SPATA31F1: variants seen among roughly 807,000 people sequenced by gnomAD.
SPATA31F1 encodes SPATA31 subfamily F member 1, also known as protein SPATA31F1.
the SPATA31F1 span, chr9:34,727,064 ACTCTCCTTTCC>A: frequency 1.3e-6 from 2 of 1,487,700 alleles, no homozygotes; most frequent in South Asian, 2.7e-5. Flanking sequence ...TGGAGTGGGC[ACTCTCCTTTCC>A]CAGTCCTGAA....
chr9:34,726,055 C>T, the SPATA31F1 span: 1 of 1,520,844 alleles, frequency 6.6e-7, no homozygotes, highest in Non-Finnish European at 8.9e-7. Context: ...AGGCTAGAGC[C>T]ATAGGGTTTG....
At chr9:34,728,388 C>T in the SPATA31F1 span, among the ~76,000 whole-genome samples, 1 of 152,202 alleles carries the variant, frequency 6.6e-6, no homozygotes. Context: ...CAATTAAGAA[C>T]ATCTGCTCTA....
chr9:34,724,307 T>G, the SPATA31F1 span: 1 of 1,551,436 alleles, frequency 6.4e-7, no homozygotes, highest in African/African-American at 1.4e-5. Context: ...GGAATTGGAT[T>G]GCTTTTGGTT....
chr9:34,723,229 G>A, the SPATA31F1 span: 467 of 1,550,882 alleles, frequency 3.0e-4, no homozygotes, highest in Non-Finnish European at 3.8e-4. Context: ...TGAGGGTCAG[G>A]AGCTAGGTTG....
the SPATA31F1 span, chr9:34,725,857 G>A: frequency 6.4e-7 from 1 of 1,551,952 alleles, no homozygotes; most frequent in African/African-American, 1.4e-5. Flanking sequence ...AGGGGGGCTT[G>A]GGCACATTTT....
the SPATA31F1 span, chr9:34,725,737 T>G: frequency 1.3e-6 from 2 of 1,548,398 alleles, no homozygotes; most frequent in Non-Finnish European, 1.7e-6. Flanking sequence ...GATGGTCAGA[T>G]GGAGACATCC....
At chr9:34,729,470 C>T in the SPATA31F1 span, 250 of 1,521,914 alleles carry the variant, frequency 1.6e-4, no homozygotes, top group African/African-American at 2.6e-3. Context: ...CCCTCTATCT[C>T]GGAATTCAGG....
chr9:34,723,619 T>G, the SPATA31F1 span: 4 of 1,551,796 alleles, frequency 2.6e-6, no homozygotes, highest in Non-Finnish European at 3.5e-6. Flanking sequence ...AGCTAGACTC[T>G]GTAAGGCTGG....
the SPATA31F1 span, chr9:34,726,455 G>C: frequency 6.4e-7 from 1 of 1,551,270 alleles, no homozygotes; most frequent in Non-Finnish European, 8.7e-7. Context: ...TGGGTTCAGG[G>C]ACAGCAAGGA....
the SPATA31F1 span, chr9:34,726,899 A>G: frequency 2.6e-6 from 4 of 1,551,798 alleles, no homozygotes; most frequent in Admixed American, 2.0e-5. Flanking sequence ...CAATTGCTGA[A>G]TCTCCAGAGC....
At chr9:34,725,046 G>T in the SPATA31F1 span, 2 of 1,552,034 alleles carry the variant, frequency 1.3e-6, no homozygotes, top group African/African-American at 2.7e-5. Flanking sequence ...TTGTGATGCA[G>T]GTCCGGGTCA....
chr9:34,727,872 C>A, the SPATA31F1 span: 1 of 687,742 alleles, frequency 1.5e-6, no homozygotes, highest in Non-Finnish European at 2.4e-6. Context: ...CCACTCTTCC[C>A]TGGCAACCCT....
the SPATA31F1 span, chr9:34,725,786 G>A: frequency 6.5e-7 from 1 of 1,548,526 alleles, no homozygotes; most frequent in African/African-American, 1.4e-5. Context: ...GGCTGACTGG[G>A]GTGAAGTTTT....
the SPATA31F1 span, chr9:34,723,243 G>A: frequency 4.6e-5 from 71 of 1,551,402 alleles, no homozygotes; most frequent in Non-Finnish European, 6.1e-5. Context: ...TAGGTTGGGT[G>A]CCCTGGTTTG....
chr9:34,724,834 C>T, the SPATA31F1 span: 596 of 1,548,370 alleles, frequency 3.8e-4, no homozygotes, highest in Admixed American at 7.5e-4. Context: ...TAGTGACTGC[C>T]GGGGCCAGGG....
At chr9:34,727,095 G>C in the SPATA31F1 span, 1 of 1,448,640 alleles carries the variant, frequency 6.9e-7, no homozygotes, top group Non-Finnish European at 9.1e-7. Context: ...AAACCCTGGG[G>C]CCTATACCAT....
At chr9:34,723,802 A>T in the SPATA31F1 span, 1 of 1,551,708 alleles carries the variant, frequency 6.4e-7, no homozygotes, top group Non-Finnish European at 8.7e-7. Context: ...CAAGGATGAC[A>T]GTTAGCTTGG....
chr9:34,727,410 A>T, the SPATA31F1 span, among the ~76,000 whole-genome samples: 1 of 152,236 alleles, frequency 6.6e-6, no homozygotes, highest in African/African-American at 2.4e-5. Context: ...TCCAAGCTGT[A>T]GAAAATGAGG....
the SPATA31F1 span, chr9:34,727,046 G>A: frequency 1.3e-6 from 2 of 1,509,612 alleles, no homozygotes; most frequent in African/African-American, 1.4e-5. Flanking sequence ...TCTTGGAAGA[G>A]TGTGGGCTGG....
Sources: allele counts gnomAD v4.1 joint callset (sites outside exome capture counted in the v4.1 genomes callset), GRCh38; gene constraint gnomAD v4.1.1; transcripts MANE v1.5; gene names NCBI Gene and HGNC (gene_info 2026-07-23, HGNC 2026-07-21).